Variants in SETD5 observed in about 807,000 individuals in gnomAD.
The protein encoded by SETD5 is histone-lysine N-methyltransferase SETD5.
In SETD5, 44 loss-of-function variants were observed where a neutral mutation model predicts 153.3. The ratio of observed to expected loss-of-function variants is 0.29; its 90% CI spans 0.23 to 0.37. The LOEUF (loss-of-function observed/expected upper bound fraction) is 0.37. SETD5 is among the 10% of genes least tolerant of loss of function. The probability of loss-of-function intolerance (pLI) is 1.00; values close to 1 mark genes in which losing one functional copy is unlikely to be tolerated. For synonymous variants in SETD5, 716 were observed against 645.2 expected, an observed-to-expected ratio of 1.11 and a Z score of -1.66; for missense variants, 1,544 against 1,768.0, an observed-to-expected ratio of 0.87 and a Z score of 2.27.
chr3:9,434,479 A>G lies in SETD5; in HGVS notation c.323A>G (p.Lys108Arg). The G allele has an allele frequency of 1.9e-6, 3 of 1,613,952 alleles. No individual in the cohort carries two copies. In the South Asian group the frequency reaches 3.3e-5, roughly 18 times the overall value. ...GATGGCTTCCTTCTCAACTGTGACA[A>G]GTGCAGGTAAGATCCTGTTCCATCT... is the stretch of plus-strand genomic sequence containing the variant. ...SQDGFLLNCD[K>R]CRGMSRGKVI... The change falls in exon 5 of 23, where the codon AAG (lysine) becomes AGG (arginine). Residue 108 changes from lysine to arginine, a missense_variant. Physicochemically the swap from Lys to Arg is conservative, Grantham distance 26. Coordinates refer to ENST00000402198, the MANE Select transcript of SETD5 (RefSeq NM_001080517.3). The surrounding 1 kb of genome is among the most constrained non-coding windows in gnomAD (Gnocchi z 5.6).
At chr3:9,450,383 T>A (rs2042478345) in intron 16 of SETD5, among the ~76,000 whole-genome samples, 1 of 152,226 alleles carries the variant, frequency 6.6e-6, no homozygotes, top group African/African-American at 2.4e-5. Context: ...AGGATTATCA[T>A]AACAAGACTA....
chr3:9,406,120 G>T (rs2035611088), intron 1 of SETD5, among the ~76,000 whole-genome samples: 1 of 152,110 alleles, frequency 6.6e-6, no homozygotes, highest in African/African-American at 2.4e-5. Context: ...TGTTTTATAA[G>T]AGAAACCAGA....
intron 1 of SETD5, 142 bp from the exon 2 acceptor site, chr3:9,424,325 G>C (rs1049155893): frequency 2.6e-5 from 4 of 152,160 alleles, no homozygotes; most frequent in Non-Finnish European, 5.9e-5. Context: ...CCGGATGGAC[G>C]TAGGGTGGTA....
intron 1 of SETD5, among the ~76,000 whole-genome samples, chr3:9,419,610 G>A (rs766164579): frequency 2.0e-5 from 3 of 152,096 alleles, no homozygotes; most frequent in Non-Finnish European, 4.4e-5. Context: ...GCTATCTAAG[G>A]TAAGTAGTAA....
intron 1 of SETD5, among the ~76,000 whole-genome samples, chr3:9,416,639 G>T (rs745650786): frequency 5.9e-5 from 9 of 152,140 alleles, no homozygotes; most frequent in African/African-American, 2.2e-4. Context: ...CTTGTTCATT[G>T]GAACTTTTGC....
intron 13 of SETD5, among the ~76,000 whole-genome samples, chr3:9,446,784 C>A (rs777274034): frequency 1.6e-4 from 24 of 152,190 alleles, no homozygotes; most frequent in Non-Finnish European, 2.4e-4. Flanking sequence ...AGCCACTGCA[C>A]CCATCCTGTT....
intron 3 of SETD5, chr3:9,433,243 A>C (rs915384488): frequency 3.8e-6 from 2 of 528,828 alleles, no homozygotes; most frequent in Non-Finnish European, 6.0e-6. Flanking sequence ...TTTTGTCCTT[A>C]ATATGCTTGC....
At position 9,426,212 on chromosome 3, in the gene SETD5, C is replaced by CTTTTTTGT. The variant is rs1575321269; in HGVS notation, c.-117+1686_-117+1687insTTTTTTGT. 2.4e-5 allele frequency: 2 copies of CTTTTTTGT among 84,126 alleles called. 1 individual carries two copies. Among genetic ancestry groups the CTTTTTTGT allele is most frequent in the South Asian group, 9.5e-4 (2 of 2,104 alleles). 5.2% of individuals were successfully genotyped at this position (84,126 alleles called of 1,614,324 possible). On this transcript the variant is annotated intron_variant, in intron 2 of 22. Coordinates refer to ENST00000402198, the MANE Select transcript of SETD5 (RefSeq NM_001080517.3). ...CTAAAGGCAAAAAAGTTCATCAGTCCCTTTTTTTTTTTTTTTTTTTTTTTT... is the reference window on the plus strand; with the variant it reads ...CTAAAGGCAAAAAAGTTCATCAGTCCTTTTTTGTCTTTTTTTTTTTTTTTTTTTTTTTT...
In SETD5 at chr3:9,428,977, T is replaced by C. The variant is rs1179657897; in HGVS notation, c.39T>C (p.Asp13=). ...IAIPLGVTTS[D]TSYSDMAAGS... is the part of the protein sequence containing the mutation. ...TCCCTCTGGGAGTCACCACATCAGA[T>C]ACATCCTACTCAGATATGGCTGCTG... Residue 13 remains aspartate, a synonymous_variant, in exon 3 of 23, where the codon GAT becomes GAC. Coordinates refer to ENST00000402198, the MANE Select transcript of SETD5 (RefSeq NM_001080517.3). 12 of 1,613,206 alleles carry C rather than the reference T, an allele frequency of 7.4e-6. No homozygotes were observed. The highest frequency in any genetic ancestry group is 1.0e-5 in the Non-Finnish European group (12 of 1,179,526).
rs2045873902 is a variant in SETD5, at chr3:9,476,707, C to G, written c.*616C>G. The G allele has an allele frequency of 6.5e-6, 1 of 152,742 alleles. No individual in the cohort carries two copies. The highest frequency in any genetic ancestry group is 1.5e-5 in the Non-Finnish European group (1 of 68,116). 9.5% of individuals were successfully genotyped at this position (152,742 alleles called of 1,614,324 possible). ...AGGATAGTAAAGCTTGGAACCTGCA[C>G]CAACTGGAGGGTGCCTGGCTCTTTG... is the stretch of plus-strand genomic sequence containing the variant. On this transcript the variant is annotated 3_prime_UTR_variant, in exon 23 of 23. Coordinates refer to ENST00000402198, the MANE Select transcript of SETD5 (RefSeq NM_001080517.3).
chr3:9,429,820 C>T, intron 3 of SETD5: 1 of 1,302,806 alleles, frequency 7.7e-7, no homozygotes, highest in Non-Finnish European at 1.0e-6. Context: ...ATCTTCCTTG[C>T]TTACAGAAAG....
chr3:9,460,886 G>A (rs982626849), intron 17 of SETD5, among the ~76,000 whole-genome samples: 1 of 152,030 alleles, frequency 6.6e-6, no homozygotes, highest in African/African-American at 2.4e-5. Flanking sequence ...GGAGACAAAA[G>A]GAAAATAGGC....
At chr3:9,453,283 A>G (rs944764211) in intron 16 of SETD5, among the ~76,000 whole-genome samples, 1 of 152,162 alleles carries the variant, frequency 6.6e-6, no homozygotes, top group South Asian at 2.1e-4. Flanking sequence ...AAATCTTCCA[A>G]TGAATCTTTT....
rs567986036 is a variant in SETD5 at position 9,435,440 on chromosome 3, A to T, written c.389-288A>T. Among the ~76,000 whole-genome samples the T allele has an allele frequency of 6.0e-4, 92 of 152,316 alleles. 1 individual carries two copies. The highest frequency in any genetic ancestry group is 1.0e-3 in the Non-Finnish European group (70 of 68,026). On this transcript the variant is annotated intron_variant, in intron 6 of 22. Coordinates refer to ENST00000402198, the MANE Select transcript of SETD5 (RefSeq NM_001080517.3). Reference sequence around the variant, plus strand: ...CACAAAAAATATGGATTCCTGTTTTAAAAATTAGCCAGTCTCAAATTGTTA... The same window carrying T: ...CACAAAAAATATGGATTCCTGTTTTTAAAATTAGCCAGTCTCAAATTGTTA...
At chr3:9,405,401 G>C (rs1184560728) in intron 1 of SETD5, among the ~76,000 whole-genome samples, 1 of 151,992 alleles carries the variant, frequency 6.6e-6, no homozygotes, top group South Asian at 2.1e-4. Flanking sequence ...ACCTTAGTGG[G>C]GGTGAAATTA....
At chr3:9,405,887 C>T (rs2035573340) in intron 1 of SETD5, among the ~76,000 whole-genome samples, 2 of 152,114 alleles carry the variant, frequency 1.3e-5, no homozygotes, top group Admixed American at 1.3e-4. Context: ...ATTCTGTTTC[C>T]TACCACCAAC....
chr3:9,453,394 C>T lies in SETD5; in HGVS notation c.2347-345C>T, dbSNP rs548308999. On this transcript the variant is annotated intron_variant, in intron 16 of 22. Coordinates refer to ENST00000402198, the MANE Select transcript of SETD5 (RefSeq NM_001080517.3). ...TTTTATATATTAGTTTTATTCTATA[C>T]GATCACAGTCTCTCCTAAATAAATG... 3.3e-4 allele frequency among the ~76,000 whole-genome samples: 50 copies of T among 152,228 alleles called. No homozygotes were observed. The South Asian group carries it at 6.0e-3, about 18-fold the overall frequency.
intron 1 of SETD5, among the ~76,000 whole-genome samples, chr3:9,422,175 A>AT (rs1462400580): frequency 6.6e-6 from 1 of 152,232 alleles, no homozygotes; most frequent in Non-Finnish European, 1.5e-5. Flanking sequence ...TAGATTCTAA[A>AT]TTAGTAAATC....
At chr3:9,436,939 A>G in intron 7 of SETD5, 2 of 1,512,364 alleles carry the variant, frequency 1.3e-6, no homozygotes, top group East Asian at 2.5e-5. Flanking sequence ...GTGATCTTGC[A>G]TTTTGGTCAG....
Sources: gnomAD v4.1 joint callset for allele counts (sites outside exome capture counted in the v4.1 genomes callset) on GRCh38, gnomAD v4.1.1 for gene constraint, Gnocchi (gnomAD v3.1) non-coding constraint, MANE v1.5 for transcripts, NCBI Gene and HGNC (gene_info 2026-07-23, HGNC 2026-07-21) for gene names.